Variants in TRIM49 observed in about 807,000 individuals in gnomAD.
TRIM49 encodes the protein tripartite motif containing 49, also known as tripartite motif-containing protein 49.
TRIM49 carries 5 observed loss-of-function variants against 27.4 expected under a neutral mutation model. That is an observed-to-expected ratio of 0.18 (90% CI 0.10 to 0.38). The LOEUF is 0.38. Among genes scored for constraint, TRIM49 ranks in the 10% least tolerant of loss-of-function variants. The pLI is 1.00. For synonymous variants in TRIM49, 69 were observed against 166.0 expected, an observed-to-expected ratio of 0.42 and a Z score of 4.49; for missense variants, 188 against 487.5, an observed-to-expected ratio of 0.39 and a Z score of 5.79.
chr11:89,795,775 T>C (rs1949683448), downstream of TRIM49, among the ~76,000 whole-genome samples: 3 of 148,398 alleles, frequency 2.0e-5, no homozygotes, highest in South Asian at 4.4e-4. Context: ...TTGGGAGATA[T>C]ACCTAATGTA....
chr11:89,769,420 A>G, the TRIM49 span, among the ~76,000 whole-genome samples: 2 of 137,150 alleles, frequency 1.5e-5, 1 homozygote, highest in African/African-American at 6.7e-5. Flanking sequence ...GTGTCATGCC[A>G]TGTTAGACAC....
At chr11:89,782,928 C>G in the TRIM49 span, among the ~76,000 whole-genome samples, 1 of 119,044 alleles carries the variant, frequency 8.4e-6, no homozygotes, top group East Asian at 2.8e-4. Flanking sequence ...ATTTGTCTTA[C>G]TTGTATATTT....
chr11:89,804,963 A>G lies in TRIM49; in HGVS notation c.-4-490T>C, dbSNP rs1262628962. ...CACAAAAGCCGGGCAGCAAACCACC[A>G]TGGCACAAGTTTACCTACATAACAA... On this transcript the variant is annotated intron_variant, in intron 2 of 7. Transcript: ENST00000329758. 7.0e-4 allele frequency among the ~76,000 whole-genome samples: 106 copies of G among 151,270 alleles called. 1 individual carries two copies. Among genetic ancestry groups the G allele is most frequent in the Non-Finnish European group, 1.6e-4 (11 of 67,898 alleles).
downstream of TRIM49, among the ~76,000 whole-genome samples, chr11:89,795,940 T>C (rs1214438502): frequency 2.6e-5 from 4 of 151,870 alleles, no homozygotes; most frequent in African/African-American, 9.7e-5. Flanking sequence ...ACACACTGAA[T>C]ATGCATCTGC....
chr11:89,793,510 C>A (rs1949669031), downstream of TRIM49, among the ~76,000 whole-genome samples: 1 of 152,184 alleles, frequency 6.6e-6, no homozygotes, highest in East Asian at 1.9e-4. Flanking sequence ...CAGAATCCAG[C>A]AGCACATCAA....
At chr11:89,803,948 C>G in intron 3 of TRIM49, 111 bp downstream of exon 3, 3 of 1,601,874 alleles carry the variant, frequency 1.9e-6, no homozygotes, top group Non-Finnish European at 1.7e-6. Flanking sequence ...AAAGCCCAAA[C>G]AGAGCTGCTT....
At chr11:89,806,279 C>T (rs1342058221) in intron 2 of TRIM49, among the ~76,000 whole-genome samples, 1 of 151,044 alleles carries the variant, frequency 6.6e-6, no homozygotes, top group Middle Eastern at 3.4e-3. Flanking sequence ...TGGTTTGTGG[C>T]TGACTCAAAT....
intron 2 of TRIM49, among the ~76,000 whole-genome samples, chr11:89,805,517 T>C (rs372605131): frequency 0.12 from 17,154 of 138,210 alleles, 192 homozygotes; most frequent in African/African-American, 0.29. Flanking sequence ...TCCTGAAACT[T>C]GTTCTGAACC....
At chr11:89,796,148 C>A (rs532749761), downstream of TRIM49, among the ~76,000 whole-genome samples, 511 of 152,050 alleles carry the variant, frequency 3.4e-3, 8 homozygotes, top group African/African-American at 0.012. Context: ...GCTATCCCAG[C>A]TTTCTCAGTT....
chr11:89,796,378 T>C (rs1162740813), downstream of TRIM49, among the ~76,000 whole-genome samples: 8 of 146,524 alleles, frequency 5.5e-5, no homozygotes, highest in African/African-American at 1.8e-4. Context: ...GACTATAGCA[T>C]GTGCCATCAT....
intron 1 of TRIM49, 136 bp from the exon 2 acceptor site, chr11:89,807,420 A>G (rs1949796280): frequency 6.6e-6 from 1 of 151,570 alleles, no homozygotes; most frequent in Non-Finnish European, 1.5e-5. Context: ...TTTCATTCTG[A>G]ACACCAGTGC....
the TRIM49 span, among the ~76,000 whole-genome samples, chr11:89,783,954 C>G: frequency 7.0e-6 from 1 of 143,490 alleles, no homozygotes; most frequent in Non-Finnish European, 1.5e-5. Context: ...GCAGGAAAGC[C>G]GGGAGAAAAG....
intron 4 of TRIM49, among the ~76,000 whole-genome samples, chr11:89,802,395 C>T (rs1949745556): frequency 6.7e-6 from 1 of 150,368 alleles, no homozygotes; most frequent in African/African-American, 2.5e-5. Context: ...AATAAGGCTG[C>T]ATTTATGATT....
intron 1 of TRIM49, among the ~76,000 whole-genome samples, chr11:89,807,913 G>C (rs1187398146): frequency 7.0e-6 from 1 of 141,874 alleles, no homozygotes; most frequent in African/African-American, 2.8e-5. Flanking sequence ...TTTGTTTTCT[G>C]TTTTCTACCA....
At position 89,800,611 on chromosome 11, in the gene TRIM49, C is replaced by T. The variant is rs1419014845; in HGVS notation, c.761+355G>A. On this transcript the variant is annotated intron_variant, in intron 6 of 7. Coordinates refer to ENST00000329758, the MANE Select transcript of TRIM49 (RefSeq NM_020358.2). ...ACAAAAAATTAGCCGGGTGTGGTGG[C>T]GGGCGCCTGTAGTCCCGGGTACTCG... Among the ~76,000 whole-genome samples the T allele has an allele frequency of 4.3e-4, 65 of 150,180 alleles. No homozygotes were observed. In the South Asian group the frequency reaches 0.013, roughly 31 times the overall value.
the TRIM49 span, chr11:89,768,192 G>A: frequency 2.8e-5 from 38 of 1,358,642 alleles, 1 homozygote; most frequent in Middle Eastern, 2.7e-4. Context: ...CACTCACCTC[G>A]GAAGTGGTTG....
intron 2 of TRIM49, among the ~76,000 whole-genome samples, chr11:89,804,676 C>T (rs1287025597): frequency 2.0e-5 from 3 of 151,596 alleles, no homozygotes; most frequent in Non-Finnish European, 4.4e-5. Flanking sequence ...AACCAGAGGA[C>T]TCACAGTCCC....
chr11:89,799,985 A>G (rs1240517269), intron 6 of TRIM49, among the ~76,000 whole-genome samples, 172 bp from the exon 7 acceptor site: 2 of 151,186 alleles, frequency 1.3e-5, no homozygotes, highest in Admixed American at 1.3e-4. Flanking sequence ...ATTTTAAAGC[A>G]TGATGGAAGA....
intron 6 of TRIM49, among the ~76,000 whole-genome samples, chr11:89,800,122 C>G (rs1395870351): frequency 1.3e-5 from 2 of 150,666 alleles, no homozygotes; most frequent in African/African-American, 5.0e-5. Context: ...TTGGCAGACT[C>G]CCCTGACATC....
Sources: allele counts gnomAD v4.1 joint callset (sites outside exome capture counted in the v4.1 genomes callset), GRCh38; gene constraint gnomAD v4.1.1; transcripts MANE v1.5; gene names NCBI Gene and HGNC (gene_info 2026-07-23, HGNC 2026-07-21).